GIPC2: variants seen among roughly 807,000 people sequenced by gnomAD.
The protein encoded by GIPC2 is PDZ domain-containing protein GIPC2.
A neutral mutation model predicts 30.6 loss-of-function variants in GIPC2; 30 were observed. The ratio of observed to expected loss-of-function variants is 0.98; its 90% CI spans 0.73 to 1.33. GIPC2 has a LOEUF of 1.33. Ranked by LOEUF, GIPC2 falls within the 40% of genes most tolerant of loss-of-function variation. The pLI, the probability that GIPC2 is intolerant of heterozygous loss-of-function variation, is 0.00. For synonymous variants in GIPC2, 167 were observed against 150.0 expected, an observed-to-expected ratio of 1.11 and a Z score of -0.83; for missense variants, 414 against 390.3, an observed-to-expected ratio of 1.06 and a Z score of -0.51.
chr1:78,047,714 G>T lies in GIPC2; in HGVS notation c.240+1380G>T, dbSNP rs369951589. Among the ~76,000 whole-genome samples the T allele has an allele frequency of 5.9e-5, 9 of 152,234 alleles. No individual in the cohort carries two copies. The East Asian group carries it at 1.2e-3, about 20-fold the overall frequency. Reference sequence around the variant, plus strand: ...AAATAGAGATTAGAATATTTGTCTTGAAGAGTATTGTGAAGAGTGGAGTCC... The same window carrying T: ...AAATAGAGATTAGAATATTTGTCTTTAAGAGTATTGTGAAGAGTGGAGTCC... On this transcript the variant is annotated intron_variant, in intron 1 of 5. Coordinates refer to ENST00000370759, the MANE Select transcript of GIPC2 (RefSeq NM_017655.6).
At chr1:78,074,387 AT>A (rs1661675314) in intron 1 of GIPC2, among the ~76,000 whole-genome samples, 1 of 152,070 alleles carries the variant, frequency 6.6e-6, no homozygotes, top group Admixed American at 6.6e-5. Flanking sequence ...TCAGATAATT[AT>A]TTTTTTATTT....
chr1:78,055,152 A>G (rs1433995146), intron 1 of GIPC2, among the ~76,000 whole-genome samples: 1 of 152,152 alleles, frequency 6.6e-6, no homozygotes, highest in Non-Finnish European at 1.5e-5. Context: ...TTCCTGGTTC[A>G]TAGACAGCCA....
intron 1 of GIPC2, among the ~76,000 whole-genome samples, chr1:78,051,996 C>G (rs1174350473): frequency 6.6e-6 from 1 of 152,104 alleles, no homozygotes. Context: ...TCATGGCTTC[C>G]CCTCTCACTT....
intron 2 of GIPC2, chr1:78,091,714 G>A (rs1441568215): frequency 2.6e-6 from 2 of 774,258 alleles, no homozygotes; most frequent in Non-Finnish European, 4.8e-6. Flanking sequence ...GCACATATTT[G>A]GTAGCCTTTG....
At chr1:78,100,754 AC>A (rs1481186811) in intron 3 of GIPC2, among the ~76,000 whole-genome samples, 1 of 151,662 alleles carries the variant, frequency 6.6e-6, no homozygotes, top group Admixed American at 6.6e-5. Flanking sequence ...ATGTGGTGAA[AC>A]CCTGTCTCTA....
intron 5 of GIPC2, among the ~76,000 whole-genome samples, chr1:78,132,664 G>C (rs1221972354): frequency 2.6e-5 from 1 of 38,802 alleles, no homozygotes; most frequent in African/African-American, 6.0e-5. Context: ...TATAGCCAAG[G>C]ATGTGTGTGT....
rs1168180294 is a variant in GIPC2 at position 78,128,422 on chromosome 1, A to T, written c.796+2460A>T. 3.3e-5 allele frequency among the ~76,000 whole-genome samples: 5 copies of T among 152,240 alleles called. No individual in the cohort carries two copies. The East Asian group carries it at 9.6e-4, about 29-fold the overall frequency. ...GAATCACAGACACAGGGCCTAGGAAAAGATCTAACTAGGAATAAAGACAGA... is the reference window on the plus strand; with the variant it reads ...GAATCACAGACACAGGGCCTAGGAATAGATCTAACTAGGAATAAAGACAGA... On this transcript the variant is annotated intron_variant, in intron 5 of 5. Transcript: ENST00000370759.
rs528750802 is a variant in GIPC2 at position 78,137,448 on chromosome 1, C to A, written c.*1705C>A. On this transcript the variant is annotated 3_prime_UTR_variant, in exon 6 of 6. Transcript: ENST00000370759. ...ACTAGATATTAGATTTGAAATAAGT[C>A]ATTGTTCATTATTGATGGTTGTCAG... 6.6e-6 allele frequency: 1 copy of A among 152,210 alleles called. No individual in the cohort carries two copies. Among genetic ancestry groups the A allele is most frequent in the East Asian group, 1.9e-4 (1 of 5,190 alleles). 9.4% of individuals were successfully genotyped at this position (152,210 alleles called of 1,614,324 possible).
intron 3 of GIPC2, among the ~76,000 whole-genome samples, chr1:78,112,298 C>T (rs192590728): frequency 4.6e-5 from 7 of 152,342 alleles, no homozygotes; most frequent in Admixed American, 2.0e-4. Context: ...AGTGTTCCCC[C>T]TTTACAACTA....
rs1394375936 is a variant in GIPC2 at position 78,081,791 on chromosome 1, A to T, written c.426+931A>T. On this transcript the variant is annotated intron_variant, in intron 2 of 5. Transcript: ENST00000370759. Reference sequence around the variant, plus strand: ...AATGCATGTACTAGGCACTTTGCATACAATTTCTCACTTAATTCTCACAAT... The same window carrying T: ...AATGCATGTACTAGGCACTTTGCATTCAATTTCTCACTTAATTCTCACAAT... Among the ~76,000 whole-genome samples, 7 of 152,306 alleles carry T rather than the reference A, an allele frequency of 4.6e-5. No individual in the cohort carries two copies. The East Asian group carries it at 1.2e-3, about 25-fold the overall frequency.
intron 4 of GIPC2, among the ~76,000 whole-genome samples, chr1:78,125,371 G>T (rs1571527613): frequency 6.6e-6 from 1 of 151,780 alleles, no homozygotes; most frequent in Non-Finnish European, 1.5e-5. Context: ...AATTTTTTTT[G>T]TAGAGATGGA....
chr1:78,087,908 A>G (rs965357863), intron 2 of GIPC2, among the ~76,000 whole-genome samples: 2 of 151,956 alleles, frequency 1.3e-5, no homozygotes, highest in East Asian at 3.9e-4. Context: ...AAGTTACCAG[A>G]AAAAAAAGAC....
At chr1:78,105,156 AT>A (rs900969617) in intron 3 of GIPC2, among the ~76,000 whole-genome samples, 12 of 152,158 alleles carry the variant, frequency 7.9e-5, no homozygotes, top group African/African-American at 2.2e-4. Context: ...TTGCATTAAA[AT>A]TTTTTTTATC....
intron 3 of GIPC2, among the ~76,000 whole-genome samples, chr1:78,105,442 A>C (rs1365670747): frequency 6.6e-6 from 1 of 151,816 alleles, no homozygotes; most frequent in Admixed American, 6.6e-5. Context: ...ACGCACCACC[A>C]CGTCCAGCTA....
upstream of GIPC2, chr1:78,045,462 G>T: frequency 3.2e-6 from 2 of 617,938 alleles, no homozygotes; most frequent in Non-Finnish European, 4.0e-6. Context: ...GAGGCGTGCT[G>T]AATGTTGGGA....
chr1:78,112,753 T>G (rs1662494526), intron 3 of GIPC2, among the ~76,000 whole-genome samples: 1 of 152,226 alleles, frequency 6.6e-6, no homozygotes, highest in Non-Finnish European at 1.5e-5. Context: ...CCTTTCTGCC[T>G]TTTCCATTTC....
intron 5 of GIPC2, among the ~76,000 whole-genome samples, chr1:78,132,874 A>G (rs1222503568): frequency 2.0e-5 from 3 of 152,076 alleles, no homozygotes; most frequent in African/African-American, 4.8e-5. Flanking sequence ...CTTTCTTAAC[A>G]TGTGTTACCC....
chr1:78,090,985 A>G (rs576319517), intron 2 of GIPC2, among the ~76,000 whole-genome samples: 1 of 152,366 alleles, frequency 6.6e-6, no homozygotes, highest in East Asian at 1.9e-4. Flanking sequence ...TCAAAAAAAA[A>G]TTTCAGAGTT....
chr1:78,075,065 G>T (rs878993256), intron 1 of GIPC2, among the ~76,000 whole-genome samples: 1 of 152,154 alleles, frequency 6.6e-6, no homozygotes, highest in Admixed American at 6.5e-5. Context: ...TAAACATTCT[G>T]GGATAGGACT....
Sources: allele counts gnomAD v4.1 joint callset (sites outside exome capture counted in the v4.1 genomes callset), GRCh38; gene constraint gnomAD v4.1.1; transcripts MANE v1.5; gene names NCBI Gene and HGNC (gene_info 2026-07-23, HGNC 2026-07-21).